The following GABBR2 variants were observed in gnomAD, a reference collection of about 807,000 sequenced individuals.
GABBR2 encodes gamma-aminobutyric acid type B receptor subunit 2.
A neutral mutation model predicts 105.6 loss-of-function variants in GABBR2; 23 were observed. The observed-to-expected ratio is 0.22, with a 90% CI of 0.16 to 0.31. The LOEUF is 0.31. Ranked by LOEUF, GABBR2 falls within the 10% of genes least tolerant of loss-of-function variation. The pLI, the probability that GABBR2 is intolerant of heterozygous loss-of-function variation, is 1.00. For synonymous variants in GABBR2, 478 were observed against 499.7 expected, an observed-to-expected ratio of 0.96 and a Z score of 0.58; for missense variants, 734 against 1,245.5, an observed-to-expected ratio of 0.59 and a Z score of 6.18.
At chr9:98,413,302 G>A (rs1014997135) in intron 7 of GABBR2, among the ~76,000 whole-genome samples, 11 of 152,116 alleles carry the variant, frequency 7.2e-5, no homozygotes, top group Non-Finnish European at 1.5e-5. Context: ...TGCTTGTCAG[G>A]GGTTGCATAA....
intron 2 of GABBR2, among the ~76,000 whole-genome samples, chr9:98,573,076 G>A (rs115385822): frequency 0.062 from 9,423 of 152,088 alleles, 380 homozygotes; most frequent in South Asian, 0.13. Flanking sequence ...GAGAGGCTCC[G>A]CCATGCAGCA....
intron 1 of GABBR2, among the ~76,000 whole-genome samples, chr9:98,588,320 G>T (rs983092330): frequency 7.2e-5 from 11 of 152,332 alleles, no homozygotes; most frequent in Non-Finnish European, 1.2e-4. Flanking sequence ...CACCTACTAA[G>T]TACTAGGAGC....
intron 1 of GABBR2, among the ~76,000 whole-genome samples, chr9:98,599,461 CAA>C (rs1829286787): frequency 6.6e-6 from 1 of 152,194 alleles, no homozygotes; most frequent in Non-Finnish European, 1.5e-5. Flanking sequence ...GCCTGTTTAG[CAA>C]ATGAACAGAG....
chr9:98,603,065 C>T (rs188762973), intron 1 of GABBR2, among the ~76,000 whole-genome samples: 66 of 152,320 alleles, frequency 4.3e-4, no homozygotes, highest in Admixed American at 8.5e-4. Context: ...CAAGGGACTA[C>T]TGCTGGTATT....
intron 7 of GABBR2, among the ~76,000 whole-genome samples, chr9:98,429,256 T>C (rs7852239): frequency 0.96 from 145,667 of 151,902 alleles, 69,884 homozygotes; most frequent in African/African-American, 0.99. Flanking sequence ...CCTCCTGCAT[T>C]AGCCTCTTGA....
At chr9:98,345,131 C>G (rs1009733734) in intron 13 of GABBR2, among the ~76,000 whole-genome samples, 1 of 152,170 alleles carries the variant, frequency 6.6e-6, no homozygotes, top group African/African-American at 2.4e-5. Context: ...CTACATAGCT[C>G]TCAAATCCAC....
chr9:98,534,554 C>T (rs1285832564), intron 3 of GABBR2, among the ~76,000 whole-genome samples: 1 of 152,200 alleles, frequency 6.6e-6, no homozygotes, highest in African/African-American at 2.4e-5. Flanking sequence ...CTCCCAACAA[C>T]CCTAAGAGGT....
At position 98,293,842 on chromosome 9, in the gene GABBR2, G is replaced by A. The variant is rs1235451872; in HGVS notation, c.2603C>T (p.Thr868Ile). 1 of 1,612,896 alleles carries A rather than the reference G, an allele frequency of 6.2e-7. No individual in the cohort carries two copies. The highest frequency in any genetic ancestry group is 1.1e-5 in the South Asian group (1 of 91,044). Reference sequence around the variant, plus strand: ...TTTGCATGTTCGAGAGGGCTCTGTTGTGTTCCACTGTAGCTGGGGATTTTG... The same window carrying A: ...TTTGCATGTTCGAGAGGGCTCTGTTATGTTCCACTGTAGCTGGGGATTTTG... ...LDQNPQLQWN[T>I]TEPSRTCKDP... The change falls in exon 18 of 19, where the codon ACA (threonine) becomes ATA (isoleucine). Residue 868 changes from threonine to isoleucine, a missense_variant. Thr to Ile is a moderately conservative substitution (Grantham distance 89, BLOSUM62 -1). Coordinates refer to ENST00000259455, the MANE Select transcript of GABBR2 (RefSeq NM_005458.8).
chr9:98,506,162 C>T (rs538861023), intron 3 of GABBR2, among the ~76,000 whole-genome samples: 5 of 152,268 alleles, frequency 3.3e-5, no homozygotes, highest in African/African-American at 1.2e-4. Flanking sequence ...AATGTGGGTG[C>T]CTGGGACAGG....
intron 17 of GABBR2, among the ~76,000 whole-genome samples, chr9:98,296,580 G>A (rs1347566416): frequency 6.6e-6 from 1 of 152,062 alleles, no homozygotes; most frequent in African/African-American, 2.4e-5. Context: ...CAGTCTTTGA[G>A]GCAAAAATGG....
intron 15 of GABBR2, among the ~76,000 whole-genome samples, chr9:98,305,287 C>T (rs1205519493): frequency 6.6e-6 from 1 of 152,024 alleles, no homozygotes; most frequent in Non-Finnish European, 1.5e-5. Flanking sequence ...TTTTTTTGGA[C>T]CCAACAATAC....
At chr9:98,495,364 T>C (rs991844377) in intron 4 of GABBR2, among the ~76,000 whole-genome samples, 1 of 152,192 alleles carries the variant, frequency 6.6e-6, no homozygotes, top group Non-Finnish European at 1.5e-5. Context: ...AGAAGGGACA[T>C]ATCTGCAGTT....
intron 13 of GABBR2, among the ~76,000 whole-genome samples, chr9:98,326,270 C>T (rs1468779960): frequency 6.6e-6 from 1 of 152,198 alleles, no homozygotes; most frequent in Non-Finnish European, 1.5e-5. Context: ...ATAACTGCCT[C>T]TAACTATAAT....
intron 2 of GABBR2, among the ~76,000 whole-genome samples, chr9:98,555,265 T>C (rs1828564892): frequency 6.6e-6 from 1 of 152,230 alleles, no homozygotes. Context: ...ATACCCATTT[T>C]ACAGATGAGA....
intron 1 of GABBR2, among the ~76,000 whole-genome samples, chr9:98,670,741 C>T (rs77823173): frequency 0.12 from 17,500 of 152,160 alleles, 1,137 homozygotes; most frequent in African/African-American, 0.17. Context: ...AAAAGACAAA[C>T]AGTGTATGAT....
In GABBR2 at chr9:98,702,258, G is replaced by A. The variant is rs532075127; in HGVS notation, c.321+6159C>T. On this transcript the variant is annotated intron_variant, in intron 1 of 18. Coordinates refer to ENST00000259455, the MANE Select transcript of GABBR2 (RefSeq NM_005458.8). ...CCCCTAGGGTGCATCTAATTCCAGT[G>A]ACTGTTCTGCCAATGACACACCCCC... Among the ~76,000 whole-genome samples, 41 of 151,992 alleles carry A rather than the reference G, an allele frequency of 2.7e-4. 1 individual carries two copies. The South Asian group carries it at 7.9e-3, about 29-fold the overall frequency.
chr9:98,376,186 G>A (rs538031101), intron 11 of GABBR2, among the ~76,000 whole-genome samples: 5 of 152,340 alleles, frequency 3.3e-5, no homozygotes, highest in Admixed American at 6.5e-5. Context: ...TCTATGCCCA[G>A]AACAATTCTG....
chr9:98,302,301 A>T (rs1232225594), intron 16 of GABBR2, among the ~76,000 whole-genome samples: 1 of 152,092 alleles, frequency 6.6e-6, no homozygotes, highest in East Asian at 1.9e-4. Context: ...TGGACTTTCT[A>T]TCTCTTCCCC....
intron 7 of GABBR2, among the ~76,000 whole-genome samples, chr9:98,422,462 C>T (rs1409605251): frequency 6.6e-6 from 1 of 151,730 alleles, no homozygotes; most frequent in African/African-American, 2.4e-5. Context: ...AAGAAATTCT[C>T]ATAAGTGGAC....
Sources: allele counts gnomAD v4.1 joint callset (sites outside exome capture counted in the v4.1 genomes callset), GRCh38; gene constraint gnomAD v4.1.1; transcripts MANE v1.5; gene names NCBI Gene and HGNC (gene_info 2026-07-23, HGNC 2026-07-21).